LIMD1: variants seen among roughly 807,000 people sequenced by gnomAD.
LIMD1 encodes LIM domain containing 1.
LIMD1 carries 23 observed loss-of-function variants against 58.4 expected under a neutral mutation model. That is an observed-to-expected ratio of 0.39 (90% CI 0.28 to 0.56). The LOEUF (loss-of-function observed/expected upper bound fraction) is 0.56. LIMD1 is among the 20% of genes least tolerant of loss of function. The pLI, the probability that LIMD1 is intolerant of heterozygous loss-of-function variation, is 0.57. For synonymous variants in LIMD1, 334 were observed against 345.5 expected, an observed-to-expected ratio of 0.97 and a Z score of 0.37; for missense variants, 838 against 855.5, an observed-to-expected ratio of 0.98 and a Z score of 0.25.
At chr3:45,671,320 A>G (rs1697583062) in intron 4 of LIMD1, among the ~76,000 whole-genome samples, 1 of 152,232 alleles carries the variant, frequency 6.6e-6, no homozygotes, top group African/African-American at 2.4e-5. Flanking sequence ...CAGGGGAAGG[A>G]GCTGTAACAC....
At chr3:45,643,965 A>G (rs1321152831) in intron 2 of LIMD1, among the ~76,000 whole-genome samples, 1 of 152,092 alleles carries the variant, frequency 6.6e-6, no homozygotes, top group East Asian at 1.9e-4. Flanking sequence ...CAAAACTAAG[A>G]TTATATACCA....
intron 1 of LIMD1, among the ~76,000 whole-genome samples, chr3:45,617,298 C>T (rs1453454706): frequency 1.3e-5 from 2 of 148,688 alleles, no homozygotes; most frequent in African/African-American, 2.5e-5. Context: ...CTACTCACCT[C>T]GGCCTCCCAA....
intron 1 of LIMD1, among the ~76,000 whole-genome samples, chr3:45,601,912 T>C (rs1438816936): frequency 6.6e-6 from 1 of 151,876 alleles, no homozygotes; most frequent in Non-Finnish European, 1.5e-5. Context: ...GCGTTTTCCA[T>C]GCCTTCTTCC....
intron 2 of LIMD1, among the ~76,000 whole-genome samples, chr3:45,665,027 C>A (rs1382915502): frequency 6.6e-6 from 1 of 152,006 alleles, no homozygotes; most frequent in East Asian, 1.9e-4. Context: ...AGGATGTTTA[C>A]CTGTGTTAGC....
intron 2 of LIMD1, among the ~76,000 whole-genome samples, chr3:45,662,940 T>C (rs908220447): frequency 4.6e-5 from 7 of 151,114 alleles, no homozygotes; most frequent in Non-Finnish European, 1.0e-4. Flanking sequence ...ACCAAGATCG[T>C]GCCACTGCAC....
chr3:45,615,157 C>G (rs558980793), intron 1 of LIMD1, among the ~76,000 whole-genome samples: 4 of 152,146 alleles, frequency 2.6e-5, no homozygotes, highest in Admixed American at 6.5e-5. Flanking sequence ...AAAGCAGTGG[C>G]AAAACATACA....
chr3:45,614,881 CA>C (rs1701562248), intron 1 of LIMD1, among the ~76,000 whole-genome samples: 1 of 149,520 alleles, frequency 6.7e-6, no homozygotes, highest in Non-Finnish European at 1.5e-5. Context: ...TAGGGATAAT[CA>C]CTGTTAGGAT....
intron 1 of LIMD1, among the ~76,000 whole-genome samples, chr3:45,600,650 C>T (rs1701402782): frequency 6.6e-6 from 1 of 152,236 alleles, no homozygotes; most frequent in African/African-American, 2.4e-5. Flanking sequence ...TTTAGCACCA[C>T]TGCTGACACT....
chr3:45,632,520 G>A, intron 1 of LIMD1: 6 of 985,412 alleles, frequency 6.1e-6, no homozygotes, highest in Non-Finnish European at 7.2e-6. Context: ...TGGGGGAACA[G>A]ACATGTGTGC....
chr3:45,649,908 A>G (rs1405794903), intron 2 of LIMD1, among the ~76,000 whole-genome samples: 3 of 101,344 alleles, frequency 3.0e-5, no homozygotes, highest in African/African-American at 8.2e-5. Flanking sequence ...TGATATCTCT[A>G]TTCTCTGTAT....
intron 2 of LIMD1, among the ~76,000 whole-genome samples, chr3:45,644,223 C>G (rs1172163349): frequency 6.6e-6 from 1 of 152,210 alleles, no homozygotes; most frequent in Non-Finnish European, 1.5e-5. Context: ...GATTGACTCA[C>G]CAGTTAGTTC....
At chr3:45,676,850 G>C in intron 7 of LIMD1, 72 bp from the exon 8 acceptor site, 2 of 1,445,372 alleles carry the variant, frequency 1.4e-6, no homozygotes, top group Non-Finnish European at 1.9e-6. Context: ...TGATTTTGGG[G>C]ACTGTGGCCT....
intron 2 of LIMD1, among the ~76,000 whole-genome samples, chr3:45,656,849 C>T (rs895457809): frequency 1.3e-5 from 2 of 152,172 alleles, no homozygotes; most frequent in African/African-American, 4.8e-5. Context: ...AACGTCAGGG[C>T]ACATTATTGC....
intron 1 of LIMD1, among the ~76,000 whole-genome samples, chr3:45,618,490 A>G (rs1701595822): frequency 6.6e-6 from 1 of 152,138 alleles, no homozygotes; most frequent in Non-Finnish European, 1.5e-5. Context: ...GGAAGAACTC[A>G]GGAGGTTTTG....
chr3:45,637,366 C>T (rs1451404887), intron 2 of LIMD1, among the ~76,000 whole-genome samples: 6 of 151,876 alleles, frequency 4.0e-5, no homozygotes, highest in African/African-American at 1.2e-4. Flanking sequence ...CTGCAACCTC[C>T]GCCTCCTGGG....
At chr3:45,609,399 A>G (rs909959500) in intron 1 of LIMD1, among the ~76,000 whole-genome samples, 1 of 152,150 alleles carries the variant, frequency 6.6e-6, no homozygotes, top group African/African-American at 2.4e-5. Context: ...TTTTTAATTC[A>G]TAGGTGTGAT....
At chr3:45,662,898 C>A (rs1238727100) in intron 2 of LIMD1, among the ~76,000 whole-genome samples, 3 of 151,868 alleles carry the variant, frequency 2.0e-5, no homozygotes, top group African/African-American at 7.3e-5. Context: ...GCAGGAGAAT[C>A]ACTTGAACCT....
chr3:45,672,831 A>G lies in LIMD1; in HGVS notation c.1772+11A>G. On this transcript the variant is annotated intron_variant, in intron 5 of 7. Coordinates refer to ENST00000273317, the MANE Select transcript of LIMD1 (RefSeq NM_014240.3). ...CCGAGATTACCACAAGTAAGAAGGGATGGGAGCAGACAGGACCCATTCGTG... is the reference window on the plus strand; with the variant it reads ...CCGAGATTACCACAAGTAAGAAGGGGTGGGAGCAGACAGGACCCATTCGTG... 1 of 1,613,194 alleles carries G rather than the reference A, an allele frequency of 6.2e-7. No homozygotes were observed. The highest frequency in any genetic ancestry group is 1.1e-5 in the South Asian group (1 of 91,060).
chr3:45,632,611 C>T, intron 1 of LIMD1: 1 of 922,602 alleles, frequency 1.1e-6, no homozygotes, highest in African/African-American at 1.8e-5. Context: ...TGTGATTCAA[C>T]TCACACTTGT....
Sources: gnomAD v4.1 joint callset for allele counts (sites outside exome capture counted in the v4.1 genomes callset) on GRCh38, gnomAD v4.1.1 for gene constraint, MANE v1.5 for transcripts, NCBI Gene and HGNC (gene_info 2026-07-23, HGNC 2026-07-21) for gene names.